Variants in ATP9A observed in about 807,000 individuals in gnomAD.
The protein encoded by ATP9A is probable phospholipid-transporting ATPase IIA.
A neutral mutation model predicts 144.1 loss-of-function variants in ATP9A; 52 were observed. The ratio of observed to expected loss-of-function variants is 0.36; its 90% confidence interval spans 0.29 to 0.45. The LOEUF (loss-of-function observed/expected upper bound fraction) is 0.45, where lower values mean the gene tolerates loss of function less well. ATP9A is among the 20% of genes least tolerant of loss of function. ATP9A has a pLI of 1.00. For missense variants in ATP9A, 947 were observed against 1,392.7 expected (o/e 0.68, Z 5.09); for synonymous variants, 582 against 557.4 (o/e 1.04, Z -0.62).
intron 26 of ATP9A, 47 bp downstream of exon 26, chr20:51,607,480 G>C (rs778403529): frequency 4.0e-6 from 6 of 1,509,942 alleles, no homozygotes; most frequent in Non-Finnish European, 5.5e-6. Flanking sequence ...GACACCCTGA[G>C]TCAGTACCAG....
At chr20:51,655,454 G>C (rs1470448761) in intron 14 of ATP9A, among the ~76,000 whole-genome samples, 1 of 151,314 alleles carries the variant, frequency 6.6e-6, no homozygotes, top group East Asian at 1.9e-4. Flanking sequence ...AACAGACAAA[G>C]TGAAAATGGA....
chr20:51,642,728 A>AAAAAAC lies in ATP9A; in HGVS notation c.1507-3225_1507-3224insGTTTTT, dbSNP rs2077325609. 1.6e-3 allele frequency among the ~76,000 whole-genome samples: 12 copies of AAAAAAC among 7,348 alleles called. 1 individual carries two copies. The highest frequency in any genetic ancestry group is 6.6e-3 in the Admixed American group (3 of 456). The allele number at this position is 7,348 out of a possible 152,430, so 4.8% of individuals were successfully genotyped here. On this transcript the variant is annotated intron_variant, in intron 14 of 27. Transcript: ENST00000338821. ...GTGACTGAGTGAGACTCTGTCTCCAAAAAAAAAAAAAAAAAAAAAAAAAAA... is the reference window on the plus strand; with the variant it reads ...GTGACTGAGTGAGACTCTGTCTCCAAAAAAACAAAAAAAAAAAAAAAAAAAAAAAAA...
chr20:51,761,028 A>G (rs1240132894), intron 1 of ATP9A, among the ~76,000 whole-genome samples: 2 of 152,208 alleles, frequency 1.3e-5, no homozygotes, highest in East Asian at 3.8e-4. Flanking sequence ...TCCGTCTCAA[A>G]ATAAAAAACA....
intron 1 of ATP9A, among the ~76,000 whole-genome samples, chr20:51,747,101 T>TG (rs1555844824): frequency 1.7e-4 from 15 of 88,138 alleles, no homozygotes; most frequent in East Asian, 1.6e-3. Context: ...GTTTTTCGTT[T>TG]TTTTTTTTTT....
chr20:51,722,869 G>A (rs1334037912), intron 3 of ATP9A, among the ~76,000 whole-genome samples: 1 of 152,144 alleles, frequency 6.6e-6, no homozygotes, highest in African/African-American at 2.4e-5. Context: ...GTCATTATAC[G>A]AAAAAGATAC....
At chr20:51,614,814 A>G (rs1257497458) in intron 22 of ATP9A, among the ~76,000 whole-genome samples, 1 of 152,188 alleles carries the variant, frequency 6.6e-6, no homozygotes, top group Non-Finnish European at 1.5e-5. Flanking sequence ...TGTCACTGAC[A>G]TGAAAAACAA....
chr20:51,698,467 G>A (rs1014214364), intron 4 of ATP9A, among the ~76,000 whole-genome samples: 53 of 152,216 alleles, frequency 3.5e-4, no homozygotes, highest in Non-Finnish European at 6.3e-4. Context: ...AGAGGCTGCA[G>A]TGAGCCGTGA....
chr20:51,635,756 GA>G lies in ATP9A; in HGVS notation c.1668+3586del, dbSNP rs1442510424. Reference sequence around the variant, plus strand: ...ACGGAAGGAAGGAAGGAAGGAAAAAGAGAAGAGAAAAGAAAAGAGAAAAGGA... The same window carrying G: ...ACGGAAGGAAGGAAGGAAGGAAAAAGGAAGAGAAAAGAAAAGAGAAAAGGA... On this transcript the variant is annotated intron_variant, in intron 15 of 27. Transcript: ENST00000338821. 8.5e-4 allele frequency among the ~76,000 whole-genome samples: 107 copies of G among 125,976 alleles called. 1 individual carries two copies. The highest frequency in any genetic ancestry group is 2.9e-3 in the African/African-American group (101 of 34,552). The allele number at this position is 125,976 out of a possible 152,430, so 82.6% of individuals were successfully genotyped here.
chr20:51,727,390 A>G (rs1484607091), intron 2 of ATP9A, among the ~76,000 whole-genome samples: 1 of 151,916 alleles, frequency 6.6e-6, no homozygotes, highest in Non-Finnish European at 1.5e-5. Context: ...GTTCGAGACC[A>G]GCCATGGCAA....
intron 1 of ATP9A, among the ~76,000 whole-genome samples, chr20:51,731,276 G>A (rs1198860433): frequency 6.6e-6 from 1 of 151,884 alleles, no homozygotes; most frequent in Non-Finnish European, 1.5e-5. Context: ...TCCAGCCTGG[G>A]CAACAGAGCG....
At chr20:51,764,034 G>T (rs2077893692) in intron 1 of ATP9A, among the ~76,000 whole-genome samples, 1 of 152,180 alleles carries the variant, frequency 6.6e-6, no homozygotes, top group Admixed American at 6.5e-5. Context: ...TAAACCTCAT[G>T]CAAACACCTA....
In ATP9A at chr20:51,598,327, T is replaced by C. The variant is rs1415965547; in HGVS notation, c.*2884A>G. The C allele has an allele frequency of 1.3e-5, 2 of 152,176 alleles. No individual in the cohort carries two copies. The highest frequency in any genetic ancestry group is 4.8e-5 in the African/African-American group (2 of 41,440). 9.4% of individuals were successfully genotyped at this position (152,176 alleles called of 1,614,324 possible). A position where few individuals can be genotyped will look rare whatever the true frequency, so the allele number is the denominator to read the frequency against. ...TTCTTACTCTGGCAGAAATAGCTAGTGTTGTCAGAGGGCGCAGGGAGCTGT... is the reference window on the plus strand; with the variant it reads ...TTCTTACTCTGGCAGAAATAGCTAGCGTTGTCAGAGGGCGCAGGGAGCTGT... On this transcript the variant is annotated 3_prime_UTR_variant, in exon 28 of 28. Transcript: ENST00000338821.
At chr20:51,630,773 C>T (rs1460910589) in intron 15 of ATP9A, among the ~76,000 whole-genome samples, 1 of 152,172 alleles carries the variant, frequency 6.6e-6, no homozygotes, top group African/African-American at 2.4e-5. Flanking sequence ...CCCATGAACA[C>T]CCCCGATTCC....
chr20:51,700,707 G>GT (rs907616414), intron 4 of ATP9A, among the ~76,000 whole-genome samples: 2 of 152,188 alleles, frequency 1.3e-5, no homozygotes, highest in African/African-American at 4.8e-5. Context: ...GCACACGCCT[G>GT]TAATCCCAGC....
At chr20:51,720,758 C>T (rs1003860813) in intron 3 of ATP9A, among the ~76,000 whole-genome samples, 1 of 152,118 alleles carries the variant, frequency 6.6e-6, no homozygotes, top group Non-Finnish European at 1.5e-5. Flanking sequence ...CGTTTGAACC[C>T]GGGAGGTGAT....
rs1478837912 is a variant in ATP9A at position 51,598,467 on chromosome 20, C to T, written c.*2744G>A. On this transcript the variant is annotated 3_prime_UTR_variant, in exon 28 of 28. Coordinates refer to ENST00000338821, the MANE Select transcript of ATP9A (RefSeq NM_006045.3). ...TACGGCCCATGGAGCTCCCAGGTGACAGTGTCAATGGCGCTTTATGTAAGT... is the reference window on the plus strand; with the variant it reads ...TACGGCCCATGGAGCTCCCAGGTGATAGTGTCAATGGCGCTTTATGTAAGT... 1.3e-5 allele frequency: 2 copies of T among 152,106 alleles called. No homozygotes were observed. Among genetic ancestry groups the T allele is most frequent in the African/African-American group, 4.8e-5 (2 of 41,410 alleles). The allele number at this position is 152,106 out of a possible 1,614,324, so 9.4% of individuals were successfully genotyped here.
Position 51,713,060 on chromosome 20 carries a change from G to C in ATP9A, c.342C>G (p.Ala114=), listed in dbSNP as rs183613927. ...CCACCGCCTCACGGATGACAGTGAC[G>C]GCCAGCACGAAGCCCTGCAGAGACA... The part of the protein sequence containing the change: ...TYWVPLGFVL[A]VTVIREAVEE... Residue 114 remains alanine, a synonymous_variant, in exon 4 of 28, where the codon GCC becomes GCG. Transcript: ENST00000338821. 1 of 1,611,218 alleles carries C rather than the reference G, an allele frequency of 6.2e-7. No individual in the cohort carries two copies. The highest frequency in any genetic ancestry group is 2.2e-5 in the East Asian group (1 of 44,740).
Position 51,768,291 on chromosome 20 carries a change from G to C in ATP9A, c.68+11C>G. 1 of 1,284,044 alleles carries C rather than the reference G, an allele frequency of 7.8e-7. No homozygotes were observed. 79.5% of individuals were successfully genotyped at this position (1,284,044 alleles called of 1,614,324 possible). On this transcript the variant is annotated intron_variant, in intron 1 of 27. Coordinates refer to ENST00000338821, the MANE Select transcript of ATP9A (RefSeq NM_006045.3). ...GCGGACAAAGGAAAACACGGGCCCA[G>C]GCCCACTCACCCGGCGCGGGGCCTG...
At chr20:51,726,429 A>G (rs2077713475) in intron 2 of ATP9A, among the ~76,000 whole-genome samples, 1 of 152,206 alleles carries the variant, frequency 6.6e-6, no homozygotes. Context: ...CATGGGTAAT[A>G]AAAGTATCAT....
Sources: gnomAD v4.1 joint callset for allele counts (sites outside exome capture counted in the v4.1 genomes callset) on GRCh38, gnomAD v4.1.1 for gene constraint, MANE v1.5 for transcripts, NCBI Gene and HGNC (gene_info 2026-07-23, HGNC 2026-07-21) for gene names.